The following AKAP8 variants were observed in gnomAD, a reference collection of about 807,000 sequenced individuals.
AKAP8 encodes the protein A-kinase anchoring protein 8.
Under a neutral mutation model 67.5 loss-of-function variants are expected in AKAP8, and 24 were observed. The ratio of observed to expected loss-of-function variants is 0.36; its 90% confidence interval spans 0.26 to 0.50. AKAP8 has a LOEUF of 0.50. Ranked by LOEUF, AKAP8 falls within the 20% of genes least tolerant of loss-of-function variation. The pLI, the probability that AKAP8 is intolerant of heterozygous loss-of-function variation, is 0.97. For synonymous variants in AKAP8, 400 were observed against 371.1 expected, an observed-to-expected ratio of 1.08 and a Z score of -0.90; for missense variants, 971 against 955.9, an observed-to-expected ratio of 1.02 and a Z score of -0.21.
At chr19:15,375,630 GA>G (rs1967238614) in intron 2 of AKAP8, among the ~76,000 whole-genome samples, 1 of 125,396 alleles carries the variant, frequency 8.0e-6, no homozygotes, top group African/African-American at 3.1e-5. Context: ...ACCAATGCAA[GA>G]TTTTTTTTTT....
chr19:15,355,399 T>C, intron 13 of AKAP8, 29 bp from the exon 14 acceptor site: 1 of 1,589,234 alleles, frequency 6.3e-7, no homozygotes, highest in Non-Finnish European at 8.6e-7. Context: ...CCGGTCAGCG[T>C]GGTGTAAGCA....
chr19:15,363,697 C>T (rs937862895), intron 9 of AKAP8, among the ~76,000 whole-genome samples: 5 of 152,090 alleles, frequency 3.3e-5, no homozygotes, highest in Middle Eastern at 3.4e-3. Context: ...ATGACAATGG[C>T]GGTTTTGTGG....
rs1966921241 is a variant in AKAP8 at position 15,359,050 on chromosome 19, G to C, written c.1540C>G (p.Gln514Glu). The change falls in exon 13 of 14, where the codon CAG becomes GAG. Residue 514 changes from glutamine to glutamate, a missense_variant. Physicochemically the swap from Gln to Glu is conservative, Grantham distance 29. Coordinates refer to ENST00000269701, the MANE Select transcript of AKAP8 (RefSeq NM_005858.4). ...HNHNRRLAAEQFKKTSLHVAK... is the reference protein window; with the variant it reads ...HNHNRRLAAEEFKKTSLHVAK... The stretch of plus-strand genomic sequence containing the variant: ...ACATGGAGACTGGTTTTCTTGAACT[G>C]TTCAGCAGCCAACTGCAAAGGGAAC... 1 of 1,614,044 alleles carries C rather than the reference G, an allele frequency of 6.2e-7. No individual in the cohort carries two copies. The highest frequency in any genetic ancestry group is 1.1e-5 in the South Asian group (1 of 91,084).
chr19:15,370,289 G>A (rs1281241431), intron 7 of AKAP8, 110 bp from the exon 8 acceptor site: 17 of 1,268,050 alleles, frequency 1.3e-5, no homozygotes, highest in Non-Finnish European at 1.7e-5. Flanking sequence ...CAAGACCTAG[G>A]TTGCTATGCC....
At position 15,362,091 on chromosome 19, in the gene AKAP8, G is replaced by A. The variant is rs1966976235; in HGVS notation, c.1302+19C>T. On this transcript the variant is annotated intron_variant, in intron 10 of 13. Coordinates refer to ENST00000269701, the MANE Select transcript of AKAP8 (RefSeq NM_005858.4). The stretch of plus-strand genomic sequence containing the variant: ...GGGATGGGCAAGAGACGCGGTGACG[G>A]GGCCCAGGTTTCCTTTACCTGGAGG... 2.5e-6 allele frequency: 4 copies of A among 1,613,040 alleles called. No homozygotes were observed. Among genetic ancestry groups the A allele is most frequent in the African/African-American group, 1.3e-5 (1 of 74,960 alleles).
intron 2 of AKAP8, among the ~76,000 whole-genome samples, chr19:15,375,631 A>C (rs924188936): frequency 8.5e-6 from 1 of 118,246 alleles, no homozygotes; most frequent in African/African-American, 3.4e-5. Context: ...CCAATGCAAG[A>C]TTTTTTTTTT....
intron 1 of AKAP8, among the ~76,000 whole-genome samples, chr19:15,377,467 C>T (rs1362301953): frequency 1.3e-5 from 2 of 152,212 alleles, no homozygotes; most frequent in African/African-American, 4.8e-5. Flanking sequence ...GCTGCACTTC[C>T]TGCCACTTTT....
chr19:15,354,989 G>A lies in AKAP8; in HGVS notation c.2005C>T (p.Pro669Ser), dbSNP rs2048267713. The A allele has an allele frequency of 1.2e-6, 2 of 1,614,058 alleles. No individual in the cohort carries two copies. The highest frequency in any genetic ancestry group is 1.7e-6 in the Non-Finnish European group (2 of 1,180,056). ...EAESAQTRVA[P>S]APAAADAEVE... ...TCAGCATCCGCGGCAGCTGGGGCAG[G>A]AGCAACTCTGGTTTGGGCACTTTCT... The change falls in exon 14 of 14, where the codon CCT becomes TCT. Residue 669 changes from proline to serine, a missense_variant. Around this residue, in one of 3 missense-constraint regions of AKAP8, gnomAD observed 204 missense variants for 193.0 expected, o/e 1.06. Transcript: ENST00000269701.
rs1390097262 is a variant in AKAP8 at position 15,354,033 on chromosome 19, G to A, written c.*882C>T. ...CAAGTTTTCTTTCCTTTTTTTTTAAGAGATGGGGTCTTGCTATGTTGTCCA... is the reference window on the plus strand; with the variant it reads ...CAAGTTTTCTTTCCTTTTTTTTTAAAAGATGGGGTCTTGCTATGTTGTCCA... On this transcript the variant is annotated 3_prime_UTR_variant, in exon 14 of 14. Transcript: ENST00000269701. 6.7e-6 allele frequency: 1 copy of A among 148,792 alleles called. No individual in the cohort carries two copies. The highest frequency in any genetic ancestry group is 6.8e-5 in the Admixed American group (1 of 14,704). The allele number at this position is 148,792 out of a possible 1,614,324, so 9.2% of individuals were successfully genotyped here.
intron 2 of AKAP8, among the ~76,000 whole-genome samples, chr19:15,376,706 AAC>A (rs1276495065): frequency 1.3e-5 from 2 of 152,248 alleles, no homozygotes; most frequent in African/African-American, 2.4e-5. Context: ...AGTATTCACT[AAC>A]ACGCAAAAAT....
chr19:15,367,209 T>TAA (rs1967085196), intron 9 of AKAP8, among the ~76,000 whole-genome samples: 1 of 152,174 alleles, frequency 6.6e-6, no homozygotes, highest in Non-Finnish European at 1.5e-5. Context: ...TCTGGCCCCT[T>TAA]TTACTAAGCA....
chr19:15,372,193 G>C, intron 6 of AKAP8, 25 bp downstream of exon 6: 6 of 1,613,364 alleles, frequency 3.7e-6, no homozygotes, highest in Non-Finnish European at 5.1e-6. Context: ...ACATCTGTCT[G>C]GCCCACCTGG....
At chr19:15,363,395 G>A (rs897931881) in intron 9 of AKAP8, among the ~76,000 whole-genome samples, 10 of 148,730 alleles carry the variant, frequency 6.7e-5, no homozygotes, top group African/African-American at 2.5e-4. Context: ...GCCCCGTCCG[G>A]GAAGTGAGGG....
chr19:15,360,594 G>A (rs978855674), intron 12 of AKAP8, among the ~76,000 whole-genome samples: 6 of 152,158 alleles, frequency 3.9e-5, no homozygotes, highest in African/African-American at 4.8e-5. Flanking sequence ...CAGGCCTTCC[G>A]CTAGTGGGAA....
chr19:15,374,722 G>T, intron 2 of AKAP8, 87 bp from the exon 3 acceptor site: 1 of 1,504,680 alleles, frequency 6.6e-7, no homozygotes, highest in Non-Finnish European at 9.2e-7. Flanking sequence ...ACCCTCCACA[G>T]CCCCAGGGCC....
At chr19:15,361,517 A>G in intron 11 of AKAP8, 1 of 452,040 alleles carries the variant, frequency 2.2e-6, no homozygotes. Flanking sequence ...CGCCCGGCTA[A>G]TTTTTTGTAT....
intron 12 of AKAP8, among the ~76,000 whole-genome samples, chr19:15,359,311 G>T (rs1482099287): frequency 6.6e-6 from 1 of 152,238 alleles, no homozygotes; most frequent in African/African-American, 2.4e-5. Context: ...ATGCAGAATT[G>T]GGGGTGAAAC....
Position 15,354,051 on chromosome 19 carries a change from G to A in AKAP8, c.*864C>T, listed in dbSNP as rs2048261553. 6.6e-6 allele frequency: 1 copy of A among 151,328 alleles called. No individual in the cohort carries two copies. The highest frequency in any genetic ancestry group is 2.1e-4 in the South Asian group (1 of 4,800). The allele number at this position is 151,328 out of a possible 1,614,324, so 9.4% of individuals were successfully genotyped here. On this transcript the variant is annotated 3_prime_UTR_variant, in exon 14 of 14. Transcript: ENST00000269701. ...TTTTTAAGAGATGGGGTCTTGCTAT[G>A]TTGTCCAGGTTGGTCTTGAACTCCT...
chr19:15,370,625 CTTTTTTTTTTTT>C (rs71176407), intron 7 of AKAP8, among the ~76,000 whole-genome samples: 1 of 80,968 alleles, frequency 1.2e-5, no homozygotes, highest in Non-Finnish European at 2.2e-5. Flanking sequence ...TACCCAATGT[CTTTTTTTTTTTT>C]TTTTTTTTTT....
Sources: gnomAD v4.1 joint callset for allele counts (sites outside exome capture counted in the v4.1 genomes callset) on GRCh38, gnomAD v4.1.1 for gene constraint, gnomAD v4.1.1 regional missense constraint, MANE v1.5 for transcripts, NCBI Gene and HGNC (gene_info 2026-07-23, HGNC 2026-07-21) for gene names.